BICD1: variants seen among roughly 807,000 people sequenced by gnomAD.
BICD1 encodes protein bicaudal D homolog 1.
Under a neutral mutation model 92.5 loss-of-function variants are expected in BICD1, and 35 were observed. The ratio of observed to expected loss-of-function variants is 0.38; its 90% CI spans 0.29 to 0.50. The LOEUF (loss-of-function observed/expected upper bound fraction) is 0.50. BICD1 is among the 20% of genes least tolerant of loss of function. BICD1 has a pLI of 0.93. For synonymous variants in BICD1, 429 were observed against 465.1 expected (o/e 0.92, Z 1.00); for missense variants, 950 against 1,189.8 (o/e 0.80, Z 2.97).
chr12:32,279,929 A>C (rs1337247208), intron 2 of BICD1, among the ~76,000 whole-genome samples: 2 of 152,024 alleles, frequency 1.3e-5, no homozygotes, highest in African/African-American at 2.4e-5. Context: ...TGAAACCCCA[A>C]CTCTACTAAA....
At chr12:32,172,874 A>G (rs138328177) in intron 1 of BICD1, among the ~76,000 whole-genome samples, 1 of 152,304 alleles carries the variant, frequency 6.6e-6, no homozygotes, top group African/African-American at 2.4e-5. Context: ...TTTATGCCCT[A>G]AGCCAAGCTA....
intron 2 of BICD1, among the ~76,000 whole-genome samples, chr12:32,292,103 G>A (rs747086521): frequency 6.6e-6 from 1 of 152,134 alleles, no homozygotes; most frequent in Admixed American, 6.5e-5. Context: ...GAAATTTATC[G>A]TCTCACAGTT....
intron 1 of BICD1, among the ~76,000 whole-genome samples, chr12:32,138,568 A>G (rs1484900101): frequency 3.9e-5 from 6 of 152,168 alleles, no homozygotes; most frequent in African/African-American, 1.4e-4. Context: ...TTGGGTGCCC[A>G]CACGTCTATT....
At chr12:32,221,132 C>T (rs1456407049) in intron 2 of BICD1, among the ~76,000 whole-genome samples, 1 of 150,728 alleles carries the variant, frequency 6.6e-6, no homozygotes, top group Non-Finnish European at 1.5e-5. Context: ...TTAGGAGATA[C>T]ACCTAATGCT....
intron 1 of BICD1, among the ~76,000 whole-genome samples, chr12:32,162,619 A>G (rs1043862990): frequency 1.3e-5 from 2 of 152,304 alleles, no homozygotes; most frequent in African/African-American, 4.8e-5. Context: ...GAGGTTAGCT[A>G]TTATACTTCC....
chr12:32,349,645 C>T (rs1390749089), intron 8 of BICD1, among the ~76,000 whole-genome samples: 2 of 119,648 alleles, frequency 1.7e-5, no homozygotes, highest in East Asian at 2.2e-4. Flanking sequence ...AACATGTATG[C>T]TTATAACAGC....
chr12:32,369,397 C>T (rs1024033356), intron 9 of BICD1, among the ~76,000 whole-genome samples: 3 of 152,230 alleles, frequency 2.0e-5, no homozygotes, highest in African/African-American at 4.8e-5. Flanking sequence ...TTCTTTTGAG[C>T]AGGGGCAGGC....
At chr12:32,129,524 CAAAAAAAA>C (rs756293470) in intron 1 of BICD1, among the ~76,000 whole-genome samples, 2 of 82,674 alleles carry the variant, frequency 2.4e-5, no homozygotes, top group Admixed American at 1.5e-4. Flanking sequence ...GATTCCATCT[CAAAAAAAA>C]AAAAAAAAAA....
intron 2 of BICD1, among the ~76,000 whole-genome samples, chr12:32,266,829 G>T (rs1947010256): frequency 6.7e-6 from 1 of 148,978 alleles, no homozygotes; most frequent in Non-Finnish European, 1.5e-5. Flanking sequence ...CCGCACTCTA[G>T]CCTGGGCAAT....
intron 8 of BICD1, among the ~76,000 whole-genome samples, chr12:32,349,098 T>C (rs141499037): frequency 3.3e-5 from 5 of 152,214 alleles, no homozygotes; most frequent in African/African-American, 9.6e-5. Flanking sequence ...CTTGCCTTCA[T>C]ATCCCAAAGC....
At chr12:32,214,862 C>T (rs1252578048) in intron 1 of BICD1, among the ~76,000 whole-genome samples, 4 of 152,234 alleles carry the variant, frequency 2.6e-5, no homozygotes, top group East Asian at 3.9e-4. Context: ...GTTCCCCCAA[C>T]ACCGAGAGGT....
At chr12:32,151,806 G>T (rs1943295142) in intron 1 of BICD1, among the ~76,000 whole-genome samples, 1 of 152,108 alleles carries the variant, frequency 6.6e-6, no homozygotes, top group Non-Finnish European at 1.5e-5. Flanking sequence ...CCCTACCTCT[G>T]CCTGCACATC....
At chr12:32,142,453 C>CCTATCTATCTATCCTTCCTATCTATCTAT (rs772125865) in intron 1 of BICD1, among the ~76,000 whole-genome samples, 1 of 112,882 alleles carries the variant, frequency 8.9e-6, no homozygotes, top group Admixed American at 9.5e-5. Context: ...ACCTATCTAT[C>CCTATCTATCTATCCTTCCTATCTATCTAT]CTATCTATCT....
chr12:32,374,263 T>C (rs1016065572), intron 9 of BICD1, among the ~76,000 whole-genome samples: 3 of 151,998 alleles, frequency 2.0e-5, no homozygotes, highest in Admixed American at 6.6e-5. Context: ...ATCTTTCTTG[T>C]GTAATGTGAC....
chr12:32,361,572 A>G (rs1014036229), intron 8 of BICD1, among the ~76,000 whole-genome samples: 69 of 151,818 alleles, frequency 4.5e-4, no homozygotes, highest in African/African-American at 1.6e-3. Context: ...AAAAAAAGAA[A>G]GAAAGATAAG....
At chr12:32,349,601 G>A (rs575952122) in intron 8 of BICD1, among the ~76,000 whole-genome samples, 3 of 152,020 alleles carry the variant, frequency 2.0e-5, no homozygotes, top group Non-Finnish European at 4.4e-5. Flanking sequence ...CTAAATAAAT[G>A]TTATGATATC....
In BICD1 at chr12:32,215,184, A is replaced by G. The variant is rs550946965; in HGVS notation, c.214-1063A>G. ...GCAGAGGTTGCAGTGAGCCGAGATC[A>G]TACCACTGCATTCTATCCTGGGTGG... On this transcript the variant is annotated intron_variant, in intron 1 of 9. Coordinates refer to ENST00000652176, the MANE Select transcript of BICD1 (RefSeq NM_001714.4). 2.8e-3 allele frequency among the ~76,000 whole-genome samples: 421 copies of G among 152,066 alleles called. 3 individuals carry two copies. The highest frequency in any genetic ancestry group is 8.9e-3 in the African/African-American group (371 of 41,464).
intron 2 of BICD1, among the ~76,000 whole-genome samples, chr12:32,265,464 T>A (rs1357520100): frequency 6.6e-6 from 1 of 151,592 alleles, no homozygotes; most frequent in Non-Finnish European, 1.5e-5. Context: ...ATCCCAGAAC[T>A]TTGGGAGGCT....
At chr12:32,175,533 T>C (rs1203346691) in intron 1 of BICD1, among the ~76,000 whole-genome samples, 1 of 152,194 alleles carries the variant, frequency 6.6e-6, no homozygotes, top group Non-Finnish European at 1.5e-5. Context: ...GCCAGGCTGC[T>C]GTCCAACTGC....
Sources: allele counts gnomAD v4.1 joint callset (sites outside exome capture counted in the v4.1 genomes callset), GRCh38; gene constraint gnomAD v4.1.1; transcripts MANE v1.5; gene names NCBI Gene and HGNC (gene_info 2026-07-23, HGNC 2026-07-21).